The following ZBED4 variants were observed in gnomAD, a reference collection of about 807,000 sequenced individuals.
ZBED4 encodes the protein zinc finger BED-type containing 4, also known as zinc finger BED domain-containing protein 4.
A neutral mutation model predicts 15.5 loss-of-function variants in ZBED4; 4 were observed. The ratio of observed to expected loss-of-function variants is 0.26; its 90% confidence interval spans 0.13 to 0.59. The LOEUF is 0.59. ZBED4 is among the 20% of genes least tolerant of loss of function. The probability of loss-of-function intolerance (pLI) is 0.90; values close to 1 mark genes in which losing one functional copy is unlikely to be tolerated. For missense variants in ZBED4, 1,323 were observed against 1,461.8 expected, an observed-to-expected ratio of 0.91 and a Z score of 1.55; for synonymous variants, 692 against 608.5, an observed-to-expected ratio of 1.14 and a Z score of -2.02.
intron 1 of ZBED4, among the ~76,000 whole-genome samples, chr22:49,860,726 G>T (rs2060293111): frequency 6.6e-6 from 1 of 150,938 alleles, no homozygotes; most frequent in Non-Finnish European, 1.5e-5. Context: ...TGTTATAAAG[G>T]TCAGAACTAC....
chr22:49,884,726 C>T lies in ZBED4; in HGVS notation c.1064C>T (p.Pro355Leu). ...GTGIPPLYST[P>L]PTLLPSLLPP... ...GGCATCCCGCCACTGTACTCCACCCCTCCCACTCTGCTGCCTTCCTTGCTG... is the reference window on the plus strand; with the variant it reads ...GGCATCCCGCCACTGTACTCCACCCTTCCCACTCTGCTGCCTTCCTTGCTG... The change falls in exon 2 of 2, where the codon CCT (proline) becomes CTT (leucine). Residue 355 changes from proline (P) to leucine (L), a missense_variant. By Grantham distance (98) the Pro-to-Leu change is moderately conservative. Around this residue, in one of 6 missense-constraint regions of ZBED4, gnomAD observed 429 missense variants for 397.9 expected, o/e 1.08. Transcript: ENST00000216268. The T allele has an allele frequency of 1.3e-6, 2 of 1,594,254 alleles. No homozygotes were observed. Among genetic ancestry groups the T allele is most frequent in the Non-Finnish European group, 1.7e-6 (2 of 1,168,440 alleles).
At chr22:49,869,828 T>G (rs1256580202) in intron 1 of ZBED4, among the ~76,000 whole-genome samples, 1 of 152,184 alleles carries the variant, frequency 6.6e-6, no homozygotes, top group Non-Finnish European at 1.5e-5. Context: ...TCAACTTTGA[T>G]TTTAGATTCA....
At position 49,886,423 on chromosome 22, in the gene ZBED4, C is replaced by A; in HGVS notation, c.2761C>A (p.Leu921Met). Residue 921 changes from leucine to methionine, a missense_variant, in exon 2 of 2, where the codon CTG becomes ATG. This residue lies in a region of ZBED4 where 312 missense variants were observed against 410.7 expected (regional missense o/e 0.76). Coordinates refer to ENST00000216268, the MANE Select transcript of ZBED4 (RefSeq NM_014838.3). The surrounding 1 kb of genome is among the most constrained non-coding windows in gnomAD (Gnocchi z 7.7). ...GTCCGTCGAGTGTAACTTCCGAGAGCTGATCAGCTGCGACCAGTGGGAGGT... is the reference window on the plus strand; with the variant it reads ...GTCCGTCGAGTGTAACTTCCGAGAGATGATCAGCTGCGACCAGTGGGAGGT... ...EMSVECNFRE[L>M]ISCDQWEVMQ... The A allele has an allele frequency of 1.3e-6, 2 of 1,593,574 alleles. No individual in the cohort carries two copies. The highest frequency in any genetic ancestry group is 1.7e-6 in the Non-Finnish European group (2 of 1,166,936).
At chr22:49,873,441 TGTG>T (rs1459583535) in intron 1 of ZBED4, among the ~76,000 whole-genome samples, 1 of 152,162 alleles carries the variant, frequency 6.6e-6, no homozygotes, top group Non-Finnish European at 1.5e-5. Flanking sequence ...GGGTGTGGCT[TGTG>T]GTGGCTCACG....
In ZBED4 at chr22:49,858,848, G is replaced by A. The variant is rs891777780; in HGVS notation, c.-330+4859G>A. ...GGGCCACGTGTCACAGTGGCTGTGA[G>A]GTCTCTTTGCGTTCCGGTGCCCCCG... On this transcript the variant is annotated intron_variant, in intron 1 of 1. Transcript: ENST00000216268. 3.9e-5 allele frequency among the ~76,000 whole-genome samples: 6 copies of A among 152,160 alleles called. No individual in the cohort carries two copies. In the East Asian group the frequency reaches 5.8e-4, roughly 15 times the overall value.
At chr22:49,872,104 G>T (rs1220259041) in intron 1 of ZBED4, among the ~76,000 whole-genome samples, 1 of 152,184 alleles carries the variant, frequency 6.6e-6, no homozygotes, top group African/African-American at 2.4e-5. Context: ...CTATGAAAGA[G>T]TTCTCCATAG....
chr22:49,882,339 C>T (rs916888273), intron 1 of ZBED4, among the ~76,000 whole-genome samples: 1 of 152,226 alleles, frequency 6.6e-6, no homozygotes, highest in African/African-American at 2.4e-5. Context: ...AGGGCTCACA[C>T]CTGGGAAGTC....
rs745720824 is a variant in ZBED4, at chr22:49,884,022, C to G, written c.360C>G (p.Ala120=). 25 of 1,607,540 alleles carry G rather than the reference C, an allele frequency of 1.6e-5. No individual in the cohort carries two copies. The Admixed American group carries it at 1.6e-4, about 10-fold the overall frequency. ...TGAGCTCCAGGAAGAAGTCTCCAGC[C>G]TGGAAGCATTTTTTTATCTCTCCCC... ...RNMSSRKKSP[A]WKHFFISPRD... is the part of the protein sequence containing the mutation. Residue 120 remains alanine, a synonymous_variant, in exon 2 of 2, where the codon GCC becomes GCG. Transcript: ENST00000216268.
In ZBED4 at chr22:49,885,090, G is replaced by A; in HGVS notation, c.1428G>A (p.Glu476=). The stretch of plus-strand genomic sequence containing the variant: ...CCCCCATGGACAGCCTCAAGGCCGA[G>A]TGTCGGTACTGCGGCTGTGCCATCA... ...SLAPMDSLKA[E]CRYCGCAISR... is the part of the protein sequence containing the mutation. Residue 476 remains glutamate, a synonymous_variant, in exon 2 of 2, where the codon GAG becomes GAA. Coordinates refer to ENST00000216268, the MANE Select transcript of ZBED4 (RefSeq NM_014838.3). 4 of 1,613,672 alleles carry A rather than the reference G, an allele frequency of 2.5e-6. No individual in the cohort carries two copies. Among genetic ancestry groups the A allele is most frequent in the Non-Finnish European group, 3.4e-6 (4 of 1,179,776 alleles).
intron 1 of ZBED4, among the ~76,000 whole-genome samples, chr22:49,873,167 G>T (rs2060356927): frequency 6.6e-6 from 1 of 152,182 alleles, no homozygotes; most frequent in African/African-American, 2.4e-5. Flanking sequence ...TTCACGTCTT[G>T]GCTGTTGGTA....
chr22:49,875,306 C>T (rs1340160065), intron 1 of ZBED4, among the ~76,000 whole-genome samples: 2 of 151,458 alleles, frequency 1.3e-5, no homozygotes, highest in Admixed American at 1.3e-4. Flanking sequence ...GAAGGTTTTT[C>T]AACTATAAGT....
chr22:49,872,175 CTGT>C (rs2060351446), intron 1 of ZBED4, among the ~76,000 whole-genome samples: 1 of 152,240 alleles, frequency 6.6e-6, no homozygotes, highest in Non-Finnish European at 1.5e-5. Flanking sequence ...TCAAACCCTG[CTGT>C]TGTTTTATCA....
rs2060457251 is a variant in ZBED4, at chr22:49,889,492, G to C, written c.*2314G>C. On this transcript the variant is annotated 3_prime_UTR_variant, in exon 2 of 2. Transcript: ENST00000216268. ...TTTTGTTTGTTTTTTTAAGCTTTCA[G>C]CTTCATGCTGCTGTATTTTTAGTTG... is the stretch of plus-strand genomic sequence containing the variant. The C allele has an allele frequency of 6.0e-6, 1 of 167,004 alleles. No individual in the cohort carries two copies. Among genetic ancestry groups the C allele is most frequent in the African/African-American group, 2.4e-5 (1 of 41,394 alleles). The allele number at this position is 167,004 out of a possible 1,614,324, so 10.3% of individuals were successfully genotyped here. A position where few individuals can be genotyped will look rare whatever the true frequency, so the allele number is the denominator to read the frequency against.
chr22:49,862,860 C>A (rs2060303842), intron 1 of ZBED4, among the ~76,000 whole-genome samples: 1 of 151,976 alleles, frequency 6.6e-6, no homozygotes, highest in Non-Finnish European at 1.5e-5. Context: ...CACCACCACG[C>A]CTGGCTAATT....
Position 49,887,064 on chromosome 22 carries a change from G to A in ZBED4, c.3402G>A (p.Leu1134=), listed in dbSNP as rs747069862. ...CPPSIVPSEK[L]FNTPTENGSL... ...CAAGCATCGTCCCTTCAGAAAAGCT[G>A]TTCAACACACCCACTGAGAACGGTA... Residue 1134 remains leucine (L), a synonymous_variant, in exon 2 of 2, where the codon CTG becomes CTA. Transcript: ENST00000216268. 6.2e-7 allele frequency: 1 copy of A among 1,614,200 alleles called. No individual in the cohort carries two copies. Among genetic ancestry groups the A allele is most frequent in the South Asian group, 1.1e-5 (1 of 91,090 alleles).
At chr22:49,858,147 C>G (rs548349966) in intron 1 of ZBED4, among the ~76,000 whole-genome samples, 1 of 152,064 alleles carries the variant, frequency 6.6e-6, no homozygotes, top group African/African-American at 2.4e-5. Context: ...GGTGATCCAC[C>G]CGCCTTTGCC....
At position 49,886,154 on chromosome 22, in the gene ZBED4, C is replaced by T. The variant is rs749694326; in HGVS notation, c.2492C>T (p.Thr831Met). ...EHSSVQCFSH[T>M]VNLIVSEAIK... is the part of the protein sequence containing the mutation. ...TCGAGCGTGCAGTGCTTCAGCCATA[C>T]GGTGAACCTGATCGTCAGCGAGGCC... Residue 831 changes from threonine (T) to methionine (M), a missense_variant, in exon 2 of 2, where the codon ACG becomes ATG. By Grantham distance (81) the Thr-to-Met change is moderately conservative. This residue lies in a region of ZBED4 where 100 missense variants were observed against 79.3 expected (regional missense o/e 1.26). Transcript: ENST00000216268. The surrounding 1 kb of genome is among the most constrained non-coding windows in gnomAD (Gnocchi z 7.7). 21 of 693,638 alleles carry T rather than the reference C, an allele frequency of 3.0e-5. No homozygotes were observed. The highest frequency in any genetic ancestry group is 1.2e-4 in the African/African-American group (7 of 56,134). The allele number at this position is 693,638 out of a possible 1,614,324, so 43.0% of individuals were successfully genotyped here. A position where few individuals can be genotyped will look rare whatever the true frequency, so the allele number is the denominator to read the frequency against.
At chr22:49,873,578 G>C (rs2060359424) in intron 1 of ZBED4, among the ~76,000 whole-genome samples, 1 of 152,212 alleles carries the variant, frequency 6.6e-6, no homozygotes, top group African/African-American at 2.4e-5. Flanking sequence ...GAGAGCCCCT[G>C]CTGTTAGAAA....
Position 49,883,682 on chromosome 22 carries a change from C to G in ZBED4, c.20C>G (p.Thr7Ser). Residue 7 changes from threonine (T) to serine (S), a missense_variant, in exon 2 of 2, where the codon ACT (threonine) becomes AGT (serine). Physicochemically the swap from Thr to Ser is moderately conservative, Grantham distance 58 (BLOSUM62 1). Transcript: ENST00000216268. ...TCAGTCATGGAGAATAACTTGAAAA[C>G]TTGTCCCAAAGAGGACGGTGATTTC... MENNLKTCPKEDGDFVS... is the reference protein window; with the variant it reads MENNLKSCPKEDGDFVS... The G allele has an allele frequency of 6.3e-7, 1 of 1,586,536 alleles. No homozygotes were observed. The highest frequency in any genetic ancestry group is 1.1e-5 in the South Asian group (1 of 88,408).
Sources: gnomAD v4.1 joint callset for allele counts (sites outside exome capture counted in the v4.1 genomes callset) on GRCh38, gnomAD v4.1.1 for gene constraint, gnomAD v4.1.1 regional missense constraint, Gnocchi (gnomAD v3.1) non-coding constraint, MANE v1.5 for transcripts, NCBI Gene and HGNC (gene_info 2026-07-23, HGNC 2026-07-21) for gene names.